Variants in FREM2 observed in about 807,000 individuals in gnomAD.
FREM2 encodes FRAS1 related extracellular matrix 2.
Under a neutral mutation model 219.9 loss-of-function variants are expected in FREM2, and 119 were observed. The observed-to-expected ratio is 0.54, with a 90% CI of 0.47 to 0.63. FREM2 has a LOEUF of 0.63. FREM2 is among the 30% of genes least tolerant of loss of function. The pLI, the probability that FREM2 is intolerant of heterozygous loss-of-function variation, is 0.00. For missense variants in FREM2, 4,030 were observed against 3,993.6 expected (o/e 1.01, Z -0.25); for synonymous variants, 1,562 against 1,522.8 (o/e 1.03, Z -0.60).
chr13:38,704,083 G>T (rs1428230403), intron 2 of FREM2, among the ~76,000 whole-genome samples: 10 of 152,134 alleles, frequency 6.6e-5, no homozygotes, highest in Non-Finnish European at 1.5e-4. Context: ...TTCTGTATTT[G>T]CCAGAACCTA....
chr13:38,764,082 A>G (rs1873341139), intron 2 of FREM2, among the ~76,000 whole-genome samples: 1 of 152,202 alleles, frequency 6.6e-6, no homozygotes, highest in African/African-American at 2.4e-5. Flanking sequence ...TTCCCCTCCT[A>G]AAACAGCAAG....
chr13:38,698,438 C>T (rs531745969), intron 2 of FREM2, among the ~76,000 whole-genome samples: 29 of 152,120 alleles, frequency 1.9e-4, no homozygotes, highest in Non-Finnish European at 3.8e-4. Flanking sequence ...TCATTACTCC[C>T]CCAGAACTGC....
chr13:38,839,681 C>G (rs1164840186), intron 6 of FREM2, among the ~76,000 whole-genome samples: 1 of 152,200 alleles, frequency 6.6e-6, no homozygotes, highest in African/African-American at 2.4e-5. Context: ...GAGAGGCAGT[C>G]TGGCTACCGT....
chr13:38,769,054 A>T (rs1014384282), intron 3 of FREM2, among the ~76,000 whole-genome samples: 4 of 152,230 alleles, frequency 2.6e-5, no homozygotes, highest in Non-Finnish European at 5.9e-5. Context: ...AAAGGATCTT[A>T]GTTCCATTAA....
chr13:38,767,500 C>CA (rs1314446684), intron 3 of FREM2, among the ~76,000 whole-genome samples: 12 of 151,228 alleles, frequency 7.9e-5, no homozygotes, highest in Non-Finnish European at 1.2e-4. Flanking sequence ...TTTTGAAACT[C>CA]CAAAAAAAAC....
chr13:38,860,999 A>G (rs1232792933), intron 14 of FREM2, among the ~76,000 whole-genome samples: 3 of 152,248 alleles, frequency 2.0e-5, no homozygotes, highest in Non-Finnish European at 4.4e-5. Context: ...TAATGTAAAC[A>G]TAACTAATGA....
intron 2 of FREM2, among the ~76,000 whole-genome samples, chr13:38,706,129 A>C (rs1265595344): frequency 6.6e-6 from 1 of 152,172 alleles, no homozygotes; most frequent in Admixed American, 6.5e-5. Context: ...TGCATGTTTT[A>C]TTTCTCCTTT....
chr13:38,708,517 G>A (rs1870630287), intron 2 of FREM2, among the ~76,000 whole-genome samples: 1 of 151,964 alleles, frequency 6.6e-6, no homozygotes, highest in East Asian at 2.0e-4. Flanking sequence ...AGCTGGGCCT[G>A]GTAGCGTGTG....
intron 6 of FREM2, among the ~76,000 whole-genome samples, chr13:38,804,892 A>G (rs1416014691): frequency 6.6e-6 from 1 of 152,002 alleles, no homozygotes; most frequent in African/African-American, 2.4e-5. Context: ...CTGTAGACAA[A>G]TTTTTGCAAT....
chr13:38,721,745 CAATT>C (rs1343113870), intron 2 of FREM2, among the ~76,000 whole-genome samples: 2 of 152,076 alleles, frequency 1.3e-5, no homozygotes, highest in African/African-American at 4.8e-5. Flanking sequence ...TTTGGTAAGT[CAATT>C]AAGTAATATT....
intron 2 of FREM2, among the ~76,000 whole-genome samples, chr13:38,727,467 A>G (rs989830809): frequency 2.0e-5 from 3 of 152,226 alleles, no homozygotes; most frequent in Non-Finnish European, 1.5e-5. Context: ...TGAGAGAGTG[A>G]GACTCCATCT....
chr13:38,780,670 T>A (rs971409824), intron 4 of FREM2, among the ~76,000 whole-genome samples: 1 of 152,184 alleles, frequency 6.6e-6, no homozygotes, highest in African/African-American at 2.4e-5. Context: ...CAGCACAACC[T>A]ACAGCAACCG....
intron 6 of FREM2, among the ~76,000 whole-genome samples, chr13:38,788,795 A>G (rs1352880624): frequency 6.6e-6 from 1 of 152,132 alleles, no homozygotes; most frequent in Admixed American, 6.6e-5. Context: ...AGAATAATGT[A>G]TACTATAAGA....
In FREM2 at chr13:38,692,203, T is replaced by C; in HGVS notation, c.4859T>C (p.Val1620Ala). 1 of 1,614,140 alleles carries C rather than the reference T, an allele frequency of 6.2e-7. No homozygotes were observed. Residue 1620 changes from valine to alanine, a missense_variant, in exon 1 of 24, where the codon GTG (valine) becomes GCG (alanine). Val to Ala is a moderately conservative substitution (Grantham distance 64, BLOSUM62 0). Transcript: ENST00000280481. ...ESSEDSFSFT[V>A]TDGTHTDFYV... ...AGTGAAGATAGCTTCTCCTTCACAG[T>C]GACTGATGGCACCCATACAGACTTC...
chr13:38,779,926 C>T (rs1188340226), intron 4 of FREM2, among the ~76,000 whole-genome samples: 1 of 152,172 alleles, frequency 6.6e-6, no homozygotes, highest in Non-Finnish European at 1.5e-5. Flanking sequence ...GTCTTCATCC[C>T]TAGGACTTTT....
intron 2 of FREM2, among the ~76,000 whole-genome samples, chr13:38,710,233 T>C (rs1004897559): frequency 6.6e-5 from 10 of 152,096 alleles, no homozygotes; most frequent in Non-Finnish European, 1.3e-4. Context: ...ATGATATTGG[T>C]CACGGTGCTA....
At chr13:38,809,647 G>A (rs7982164) in intron 6 of FREM2, among the ~76,000 whole-genome samples, 34,699 of 151,710 alleles carry the variant, frequency 0.23, 4,424 homozygotes, top group East Asian at 0.38. Flanking sequence ...TGTACGGATT[G>A]GTTTTTTGGG....
chr13:38,726,059 G>T (rs1341860467), intron 2 of FREM2, among the ~76,000 whole-genome samples: 1 of 152,142 alleles, frequency 6.6e-6, no homozygotes, highest in Non-Finnish European at 1.5e-5. Flanking sequence ...CCATGAGGAG[G>T]GCGCACACCA....
intron 2 of FREM2, among the ~76,000 whole-genome samples, chr13:38,755,301 C>T (rs932238746): frequency 6.6e-6 from 1 of 152,136 alleles, no homozygotes; most frequent in African/African-American, 2.4e-5. Context: ...GAAATCCTAT[C>T]ACAGCTATGC....
Sources: allele counts gnomAD v4.1 joint callset (sites outside exome capture counted in the v4.1 genomes callset), GRCh38; gene constraint gnomAD v4.1.1; transcripts MANE v1.5; gene names NCBI Gene and HGNC (gene_info 2026-07-23, HGNC 2026-07-21).